Variants in DLG2 observed in about 807,000 individuals in gnomAD.
The protein encoded by DLG2 is disks large homolog 2.
Under a neutral mutation model 132.5 loss-of-function variants are expected in DLG2, and 45 were observed. The ratio of observed to expected loss-of-function variants is 0.34; its 90% CI spans 0.27 to 0.44. The LOEUF is 0.44. Among genes scored for constraint, DLG2 ranks in the 20% least tolerant of loss-of-function variants. The pLI is 1.00. For synonymous variants in DLG2, 424 were observed against 419.6 expected, an observed-to-expected ratio of 1.01 and a Z score of -0.13; for missense variants, 1,045 against 1,196.9, an observed-to-expected ratio of 0.87 and a Z score of 1.87.
intron 17 of DLG2, among the ~76,000 whole-genome samples, chr11:83,797,609 T>C (rs1219039277): frequency 1.3e-5 from 2 of 152,082 alleles, no homozygotes; most frequent in Admixed American, 6.6e-5. Flanking sequence ...AGCTTCGCCT[T>C]CTGGGTTCAT....
intron 7 of DLG2, among the ~76,000 whole-genome samples, chr11:84,252,804 A>C (rs935829438): frequency 6.6e-6 from 1 of 152,202 alleles, no homozygotes; most frequent in African/African-American, 2.4e-5. Flanking sequence ...CATTTAGATA[A>C]AGGACATACT....
intron 7 of DLG2, among the ~76,000 whole-genome samples, chr11:84,336,222 C>T (rs1221133874): frequency 6.6e-6 from 1 of 152,156 alleles, no homozygotes; most frequent in East Asian, 1.9e-4. Flanking sequence ...AAAAGTAAAA[C>T]CAGAGAAAAT....
intron 6 of DLG2, among the ~76,000 whole-genome samples, chr11:84,627,851 C>A (rs528891446): frequency 6.6e-6 from 1 of 152,098 alleles, no homozygotes; most frequent in East Asian, 1.9e-4. Flanking sequence ...GCCACAGACT[C>A]AAACAACCAG....
intron 6 of DLG2, among the ~76,000 whole-genome samples, chr11:84,683,159 A>G (rs766648264): frequency 6.6e-6 from 1 of 152,242 alleles, no homozygotes; most frequent in African/African-American, 2.4e-5. Context: ...TTGTGAGCAC[A>G]GGAAGCAGAA....
intron 18 of DLG2, among the ~76,000 whole-genome samples, chr11:83,685,397 A>C (rs2079559021): frequency 6.6e-6 from 1 of 152,150 alleles, no homozygotes; most frequent in African/African-American, 2.4e-5. Flanking sequence ...CACAAAATCA[A>C]TATCCGGTGC....
At chr11:84,924,772 T>C (rs1460966018) in intron 6 of DLG2, among the ~76,000 whole-genome samples, 6 of 152,188 alleles carry the variant, frequency 3.9e-5, no homozygotes, top group African/African-American at 1.4e-4. Flanking sequence ...CTTATTTTGA[T>C]TTCCAGTTCC....
intron 8 of DLG2, among the ~76,000 whole-genome samples, chr11:84,183,157 T>C (rs997857288): frequency 6.6e-6 from 1 of 152,134 alleles, no homozygotes; most frequent in Admixed American, 6.6e-5. Context: ...ATCCTAACAA[T>C]CATTTCATGA....
chr11:85,508,993 T>C (rs945746332), intron 3 of DLG2, among the ~76,000 whole-genome samples: 1 of 152,098 alleles, frequency 6.6e-6, no homozygotes, highest in Non-Finnish European at 1.5e-5. Flanking sequence ...AATTTATACA[T>C]GCTGCAACTT....
intron 21 of DLG2, chr11:83,486,286 A>C: frequency 1.5e-6 from 1 of 685,536 alleles, no homozygotes; most frequent in East Asian, 2.7e-5. Flanking sequence ...TGTAAGAATT[A>C]ATGGCATGTG....
intron 6 of DLG2, among the ~76,000 whole-genome samples, chr11:85,011,521 G>T (rs913764312): frequency 6.6e-6 from 1 of 152,146 alleles, no homozygotes; most frequent in African/African-American, 2.4e-5. Flanking sequence ...AAGAGCAAAA[G>T]AGTAAGTAAA....
intron 3 of DLG2, among the ~76,000 whole-genome samples, chr11:85,318,563 A>G (rs1442709194): frequency 6.6e-6 from 1 of 151,880 alleles, no homozygotes; most frequent in Non-Finnish European, 1.5e-5. Flanking sequence ...GCTTCCCAAA[A>G]GGCTTTGTAA....
chr11:85,190,477 C>T (rs1403858041), intron 4 of DLG2, among the ~76,000 whole-genome samples: 1 of 151,798 alleles, frequency 6.6e-6, no homozygotes, highest in Non-Finnish European at 1.5e-5. Flanking sequence ...AGCAAATCAG[C>T]TCCAAAGCTA....
At chr11:84,770,360 G>A (rs900713546) in intron 6 of DLG2, among the ~76,000 whole-genome samples, 2 of 152,032 alleles carry the variant, frequency 1.3e-5, no homozygotes, top group Non-Finnish European at 2.9e-5. Context: ...TTGTTATATA[G>A]GTAAACTCAT....
intron 6 of DLG2, among the ~76,000 whole-genome samples, chr11:84,547,219 G>A (rs551759349): frequency 7.2e-5 from 11 of 152,154 alleles, no homozygotes; most frequent in Non-Finnish European, 1.5e-4. Context: ...CATTAGATAT[G>A]TTATTTGATT....
intron 8 of DLG2, among the ~76,000 whole-genome samples, chr11:84,221,851 C>G (rs2096920533): frequency 6.6e-6 from 1 of 151,578 alleles, no homozygotes; most frequent in Non-Finnish European, 1.5e-5. Flanking sequence ...AAATTTGGCC[C>G]TCAGATAACA....
intron 4 of DLG2, among the ~76,000 whole-genome samples, chr11:85,157,894 T>G (rs895623235): frequency 6.6e-6 from 1 of 152,118 alleles, no homozygotes; most frequent in Non-Finnish European, 1.5e-5. Flanking sequence ...TTCCCAGTAG[T>G]GGCAACATCC....
intron 17 of DLG2, among the ~76,000 whole-genome samples, chr11:83,795,408 AG>A (rs78988349): frequency 0.2 from 28,830 of 147,022 alleles, 3,336 homozygotes; most frequent in African/African-American, 0.31. Flanking sequence ...ACTCTTTATA[AG>A]AAAAAAAATA....
rs2099350930 is a variant in DLG2 at position 84,534,609 on chromosome 11, G to A, written c.480C>T (p.Val160=). The change falls in exon 7 of 28, where the codon GTC becomes GTT. Residue 160 remains valine (V), a synonymous_variant. Transcript: ENST00000376104. ...TATGAGACTGCAAGACATATCCATG[G>A]ACATTTTCTATTTGAGAGAGGTTCT... The part of the protein sequence containing the change: ...SEKNLSQIEN[V]HGYVLQSHIS... 1 of 1,613,984 alleles carries A rather than the reference G, an allele frequency of 6.2e-7. No individual in the cohort carries two copies. The highest frequency in any genetic ancestry group is 8.5e-7 in the Non-Finnish European group (1 of 1,179,938).
chr11:84,790,775 C>A (rs1243579438), intron 6 of DLG2, among the ~76,000 whole-genome samples: 1 of 152,190 alleles, frequency 6.6e-6, no homozygotes, highest in African/African-American at 2.4e-5. Context: ...CGATGAGAGA[C>A]AGTAGTCTAG....
Sources: gnomAD v4.1 joint callset for allele counts (sites outside exome capture counted in the v4.1 genomes callset) on GRCh38, gnomAD v4.1.1 for gene constraint, MANE v1.5 for transcripts, NCBI Gene and HGNC (gene_info 2026-07-23, HGNC 2026-07-21) for gene names.